The following MINAR1 variants were observed in gnomAD, a reference collection of about 807,000 sequenced individuals.
MINAR1 encodes the protein membrane integral NOTCH2 associated receptor 1.
In MINAR1, 40 loss-of-function variants were observed where a neutral mutation model predicts 65.1. The observed-to-expected ratio is 0.61, with a 90% CI of 0.48 to 0.80. The LOEUF (loss-of-function observed/expected upper bound fraction) is 0.80. Ranked by LOEUF, MINAR1 falls within the 30% of genes least tolerant of loss-of-function variation. MINAR1 has a pLI of 0.00. For missense variants in MINAR1, 1,128 were observed against 1,148.0 expected, an observed-to-expected ratio of 0.98 and a Z score of 0.25; for synonymous variants, 482 against 449.1, an observed-to-expected ratio of 1.07 and a Z score of -0.93.
intron 1 of MINAR1, among the ~76,000 whole-genome samples, chr15:79,452,747 G>C (rs111072565): frequency 0.12 from 16,638 of 133,740 alleles, 1,518 homozygotes; most frequent in African/African-American, 0.25. Flanking sequence ...TGTGTGGGGG[G>C]GGTGTGTGGG....
intron 3 of MINAR1, among the ~76,000 whole-genome samples, chr15:79,464,901 C>G (rs565496122): frequency 6.6e-6 from 1 of 152,168 alleles, no homozygotes; most frequent in African/African-American, 2.4e-5. Flanking sequence ...TCATGATTCT[C>G]CCTCCGGTGG....
At chr15:79,425,035 TGTG>T in the MINAR1 span, 1 of 132,920 alleles carries the variant, frequency 7.5e-6, no homozygotes, top group Non-Finnish European at 1.8e-5. Flanking sequence ...TTTGTTTGTT[TGTG>T]TTTTTTTTTT....
intron 1 of MINAR1, among the ~76,000 whole-genome samples, chr15:79,432,743 G>A (rs1442027134): frequency 1.3e-5 from 2 of 152,252 alleles, no homozygotes; most frequent in Non-Finnish European, 2.9e-5. Context: ...GCTGCGCTCA[G>A]GGCAGCGGCG....
Position 79,468,439 on chromosome 15 carries a change from C to T in MINAR1, c.*55C>T, listed in dbSNP as rs1264609182. 19 of 1,499,132 alleles carry T rather than the reference C, an allele frequency of 1.3e-5. No individual in the cohort carries two copies. The highest frequency in any genetic ancestry group is 1.7e-5 in the Non-Finnish European group (19 of 1,094,688). The allele number at this position is 1,499,132 out of a possible 1,614,324, so 92.9% of individuals were successfully genotyped here. A position where few individuals can be genotyped will look rare whatever the true frequency, so the allele number is the denominator to read the frequency against. ...TGACTACCAATGTCGTCGTCTGTAT[C>T]TTAGAATCTTGCAGCAGTGAGGCAA... On this transcript the variant is annotated 3_prime_UTR_variant, in exon 4 of 4. Transcript: ENST00000305428.
Position 79,456,062 on chromosome 15 carries a change from CT to C in MINAR1, c.-50-32del. Reference sequence around the variant, plus strand: ...AAACTCCACTGGTGTTTATAATCCTCTTTTCCTCCTCTCTTTCTCAATATTG... The same window carrying C: ...AAACTCCACTGGTGTTTATAATCCTCTTTCCTCCTCTCTTTCTCAATATTG... On this transcript the variant is annotated intron_variant, in intron 1 of 3. Transcript: ENST00000305428. 2.9e-6 allele frequency: 4 copies of C among 1,381,232 alleles called. No individual in the cohort carries two copies. In the South Asian group the frequency reaches 5.6e-5, roughly 19 times the overall value. 85.6% of individuals were successfully genotyped at this position (1,381,232 alleles called of 1,614,324 possible). A position where few individuals can be genotyped will look rare whatever the true frequency, so the allele number is the denominator to read the frequency against.
At chr15:79,427,000 C>T in the MINAR1 span, 1,861 of 152,220 alleles carry the variant, frequency 0.012, 26 homozygotes, top group Non-Finnish European at 0.019. Flanking sequence ...TTCACAATAG[C>T]AAAGACATGA....
rs751517283 is a variant in MINAR1, at chr15:79,456,443, G to A, written c.296G>A (p.Gly99Glu). 1 of 1,614,194 alleles carries A rather than the reference G, an allele frequency of 6.2e-7. No individual in the cohort carries two copies. Among genetic ancestry groups the A allele is most frequent in the Non-Finnish European group, 8.5e-7 (1 of 1,180,044 alleles). Residue 99 changes from glycine (G) to glutamate (E), a missense_variant, in exon 2 of 4, where the codon GGG becomes GAG. Physicochemically the swap from Gly to Glu is moderately conservative, Grantham distance 98 (BLOSUM62 -2). Coordinates refer to ENST00000305428, the MANE Select transcript of MINAR1 (RefSeq NM_015206.3). ...TTCAACCTGATCCAAATGAATGGCGGGGCTGCCAAGGAGAAGCTGCCCACG... is the reference window on the plus strand; with the variant it reads ...TTCAACCTGATCCAAATGAATGGCGAGGCTGCCAAGGAGAAGCTGCCCACG... ...TIFNLIQMNGGAAKEKLPTGR... is the reference protein window; with the variant it reads ...TIFNLIQMNGEAAKEKLPTGR...
rs774794894 is a variant in MINAR1 at position 79,457,195 on chromosome 15, G to A, written c.1048G>A (p.Glu350Lys). ...FGPTPVMGTQ[E>K]ARRCLGKPNK... is the part of the protein sequence containing the mutation. Reference sequence around the variant, plus strand: ...GCCCACTCCCGTGATGGGAACCCAAGAAGCCAGGCGCTGTCTAGGGAAGCC... The same window carrying A: ...GCCCACTCCCGTGATGGGAACCCAAAAAGCCAGGCGCTGTCTAGGGAAGCC... The change falls in exon 2 of 4, where the codon GAA becomes AAA. Residue 350 changes from glutamate (E) to lysine (K), a missense_variant. Physicochemically the swap from Glu to Lys is moderately conservative, Grantham distance 56 (BLOSUM62 1). Coordinates refer to ENST00000305428, the MANE Select transcript of MINAR1 (RefSeq NM_015206.3). The A allele has an allele frequency of 7.4e-6, 12 of 1,614,116 alleles. No individual in the cohort carries two copies. Among genetic ancestry groups the A allele is most frequent in the Admixed American group, 6.7e-5 (4 of 60,022 alleles).
chr15:79,471,210 G>A lies in MINAR1; in HGVS notation c.*2826G>A, dbSNP rs1896066982. On this transcript the variant is annotated 3_prime_UTR_variant, in exon 4 of 4. Transcript: ENST00000305428. The stretch of plus-strand genomic sequence containing the variant: ...CCATACTCTGGCATTTTTATGTAAA[G>A]GATAATTTCTTGTACCTGAGTCTAA... 6.6e-6 allele frequency: 1 copy of A among 152,046 alleles called. No individual in the cohort carries two copies. The highest frequency in any genetic ancestry group is 2.1e-4 in the South Asian group (1 of 4,822). The allele number at this position is 152,046 out of a possible 1,614,324, so 9.4% of individuals were successfully genotyped here.
In MINAR1 at chr15:79,452,558, CTG is replaced by C. The variant is rs1036019442; in HGVS notation, c.-50-3531_-50-3530del. On this transcript the variant is annotated intron_variant, in intron 1 of 3. Transcript: ENST00000305428. ...AGTGTGTGGGTGTGTGTGGGTGAGTCTGTGTGTGTGAGTGTATGGGTGAGTCT... is the reference window on the plus strand; with the variant it reads ...AGTGTGTGGGTGTGTGTGGGTGAGTCTGTGTGTGAGTGTATGGGTGAGTCT... 1.0e-4 allele frequency among the ~76,000 whole-genome samples: 13 copies of C among 123,972 alleles called. No homozygotes were observed. The South Asian group carries it at 1.1e-3, about 10-fold the overall frequency. The allele number at this position is 123,972 out of a possible 152,430, so 81.3% of individuals were successfully genotyped here. A position where few individuals can be genotyped will look rare whatever the true frequency, so the allele number is the denominator to read the frequency against.
Position 79,456,666 on chromosome 15 carries a change from T to C in MINAR1, c.519T>C (p.Ser173=). The C allele has an allele frequency of 6.2e-7, 1 of 1,614,188 alleles. No homozygotes were observed. Among genetic ancestry groups the C allele is most frequent in the East Asian group, 2.2e-5 (1 of 44,884 alleles). ...CKDCPQFVPA[S]EPNFLLGVSK... Reference sequence around the variant, plus strand: ...ACTGCCCACAGTTTGTCCCTGCCTCTGAGCCTAACTTCCTGTTGGGAGTTA... The same window carrying C: ...ACTGCCCACAGTTTGTCCCTGCCTCCGAGCCTAACTTCCTGTTGGGAGTTA... The change falls in exon 2 of 4, where the codon TCT becomes TCC. Residue 173 remains serine (S), a synonymous_variant. Coordinates refer to ENST00000305428, the MANE Select transcript of MINAR1 (RefSeq NM_015206.3).
chr15:79,469,284 G>T lies in MINAR1; in HGVS notation c.*900G>T, dbSNP rs1895986848. The T allele has an allele frequency of 6.6e-6, 1 of 152,622 alleles. No individual in the cohort carries two copies. The highest frequency in any genetic ancestry group is 1.5e-5 in the Non-Finnish European group (1 of 68,042). 9.5% of individuals were successfully genotyped at this position (152,622 alleles called of 1,614,324 possible). A position where few individuals can be genotyped will look rare whatever the true frequency, so the allele number is the denominator to read the frequency against. On this transcript the variant is annotated 3_prime_UTR_variant, in exon 4 of 4. Transcript: ENST00000305428. ...ACATGAGTTGAAGAGTTTGGAACTT[G>T]TCCTTGTGCCTTGAAGAGTAGAGAC...
chr15:79,423,086 T>C, the MINAR1 span: 1 of 152,248 alleles, frequency 6.6e-6, no homozygotes, highest in South Asian at 2.1e-4. Flanking sequence ...TATTCCCTTA[T>C]AGAGACTCAT....
chr15:79,435,402 A>T (rs1186716134), intron 1 of MINAR1, among the ~76,000 whole-genome samples: 1 of 152,256 alleles, frequency 6.6e-6, no homozygotes, highest in Non-Finnish European at 1.5e-5. Flanking sequence ...ATTCAGTTTG[A>T]GAATCACTGG....
In MINAR1 at chr15:79,468,700, T is replaced by A. The variant is rs1595959566; in HGVS notation, c.*316T>A. ...CAAAAAAGGAAGATTAATTGGGTTC[T>A]TTCCATTTTGATGATGTTTCATGGT... On this transcript the variant is annotated 3_prime_UTR_variant, in exon 4 of 4. Transcript: ENST00000305428. 1 of 324,986 alleles carries A rather than the reference T, an allele frequency of 3.1e-6. No individual in the cohort carries two copies. The highest frequency in any genetic ancestry group is 4.1e-5 in the South Asian group (1 of 24,576). The allele number at this position is 324,986 out of a possible 1,614,324, so 20.1% of individuals were successfully genotyped here.
At chr15:79,430,805 T>G (rs1414299415), upstream of MINAR1, among the ~76,000 whole-genome samples, 1 of 152,248 alleles carries the variant, frequency 6.6e-6, no homozygotes, top group Non-Finnish European at 1.5e-5. Flanking sequence ...AAAATCTAGT[T>G]GTCAACACGT....
rs79089469 is a variant in MINAR1 at position 79,469,258 on chromosome 15, T to A, written c.*874T>A. 1 of 152,658 alleles carries A rather than the reference T, an allele frequency of 6.6e-6. No homozygotes were observed. The highest frequency in any genetic ancestry group is 1.5e-5 in the Non-Finnish European group (1 of 68,042). 9.5% of individuals were successfully genotyped at this position (152,658 alleles called of 1,614,324 possible). ...GTGGTACCAGATGCTCTGCCTCTCA[T>A]ACATGAGTTGAAGAGTTTGGAACTT... On this transcript the variant is annotated 3_prime_UTR_variant, in exon 4 of 4. Coordinates refer to ENST00000305428, the MANE Select transcript of MINAR1 (RefSeq NM_015206.3).
At chr15:79,426,799 C>T in the MINAR1 span, 2 of 152,168 alleles carry the variant, frequency 1.3e-5, no homozygotes, top group African/African-American at 4.8e-5. Flanking sequence ...GGAAGTAACC[C>T]TTTGTGAGCA....
chr15:79,455,837 T>C (rs1895390923), intron 1 of MINAR1, among the ~76,000 whole-genome samples: 2 of 152,196 alleles, frequency 1.3e-5, no homozygotes, highest in African/African-American at 4.8e-5. Context: ...ATATTTAAGA[T>C]GTTTTGCTTT....
Sources: gnomAD v4.1 joint callset for allele counts (sites outside exome capture counted in the v4.1 genomes callset) on GRCh38, gnomAD v4.1.1 for gene constraint, MANE v1.5 for transcripts, NCBI Gene and HGNC (gene_info 2026-07-23, HGNC 2026-07-21) for gene names.